SORBS2: variants seen among roughly 807,000 people sequenced by gnomAD.
The protein encoded by SORBS2 is sorbin and SH3 domain containing 2, also known as sorbin and SH3 domain-containing protein 2.
Under a neutral mutation model 97.7 loss-of-function variants are expected in SORBS2, and 46 were observed. The observed-to-expected ratio is 0.47, with a 90% confidence interval of 0.37 to 0.60. SORBS2 has a LOEUF of 0.60. Among genes scored for constraint, SORBS2 ranks in the 20% least tolerant of loss-of-function variants. The pLI is 0.00. For synonymous variants in SORBS2, 476 were observed against 473.4 expected, an observed-to-expected ratio of 1.01 and a Z score of -0.07; for missense variants, 1,316 against 1,282.3, an observed-to-expected ratio of 1.03 and a Z score of -0.40.
chr4:185,745,746 AT>A (rs1315762921), intron 2 of SORBS2, among the ~76,000 whole-genome samples: 28 of 152,272 alleles, frequency 1.8e-4, no homozygotes, highest in Admixed American at 1.1e-3. Context: ...GATATATTTC[AT>A]TTTTAAGCCT....
At chr4:185,789,905 C>G (rs555933517) in intron 1 of SORBS2, among the ~76,000 whole-genome samples, 5 of 152,162 alleles carry the variant, frequency 3.3e-5, no homozygotes, top group Non-Finnish European at 7.4e-5. Flanking sequence ...TAAGTTTCTT[C>G]CTACCTATAT....
intron 12 of SORBS2, among the ~76,000 whole-genome samples, chr4:185,601,728 T>TG (rs1378626433): frequency 2.0e-5 from 3 of 152,182 alleles, no homozygotes; most frequent in Non-Finnish European, 4.4e-5. Context: ...TAGAATGATG[T>TG]GGATCATAAC....
chr4:185,684,777 C>T lies in SORBS2; in HGVS notation c.-197-5955G>A, dbSNP rs1371874163. ...ACCTGCAGCCAATAGGTTTGGAGAA[C>T]TTTGCACTCTCTTCACAGATGTTAG... On this transcript the variant is annotated intron_variant, in intron 2 of 20. Coordinates refer to the SORBS2 transcript ENST00000284776. The surrounding 1 kb of genome is among the most constrained non-coding windows in gnomAD (Gnocchi z 4.2). The T allele has an allele frequency of 6.4e-7, 1 of 1,551,854 alleles. No individual in the cohort carries two copies. The highest frequency in any genetic ancestry group is 2.4e-5 in the East Asian group (1 of 40,926).
chr4:185,769,910 A>C (rs572760795), intron 2 of SORBS2, among the ~76,000 whole-genome samples: 1 of 152,348 alleles, frequency 6.6e-6, no homozygotes, highest in South Asian at 2.1e-4. Context: ...GTTAGACAAC[A>C]GCAGCAACAA....
At chr4:185,714,282 GTGTCT>G (rs1325977770) in intron 2 of SORBS2, among the ~76,000 whole-genome samples, 1 of 152,198 alleles carries the variant, frequency 6.6e-6, no homozygotes, top group Non-Finnish European at 1.5e-5. Context: ...TTTTGCAGCA[GTGTCT>G]TGCTTTCAGC....
chr4:185,823,474 G>A lies in SORBS2; in HGVS notation c.-337-48108C>T, dbSNP rs2099197995. On this transcript the variant is annotated intron_variant, in intron 1 of 20. Transcript: ENST00000284776. ...TAACAATGTTTAATAACGAGGGATT[G>A]AGTTATGTATAAATTTTCTTTTGTT... Among the ~76,000 whole-genome samples, 3 of 150,068 alleles carry A rather than the reference G, an allele frequency of 2.0e-5. No homozygotes were observed. In the Admixed American group the frequency reaches 2.0e-4, roughly 10 times the overall value.
intron 1 of SORBS2, among the ~76,000 whole-genome samples, chr4:185,950,255 A>AT (rs1200754537): frequency 6.7e-6 from 1 of 149,360 alleles, no homozygotes; most frequent in African/African-American, 2.6e-5. Flanking sequence ...TCTCAAAAAA[A>AT]AAAAAAGAAT....
intron 2 of SORBS2, among the ~76,000 whole-genome samples, chr4:185,687,083 C>T (rs988351232): frequency 6.6e-6 from 1 of 152,136 alleles, no homozygotes; most frequent in Admixed American, 6.5e-5. Flanking sequence ...TGCTCTGTTG[C>T]CCAGGCTGGA....
chr4:185,770,495 G>C (rs2098963967), intron 2 of SORBS2, among the ~76,000 whole-genome samples: 1 of 152,186 alleles, frequency 6.6e-6, no homozygotes, highest in Non-Finnish European at 1.5e-5. Context: ...GAGTAGAGAT[G>C]CTCAGGCTCT....
chr4:185,646,672 C>T (rs757200260), exon 4 of SORBS2: 2 of 1,603,532 alleles, frequency 1.2e-6, no homozygotes, highest in Non-Finnish European at 1.7e-6. Context: ...GCTTACTGGT[C>T]TTTCATGCTG....
rs537793459 is a variant in SORBS2, at chr4:185,672,247, A to G, written c.-46+6176T>C. Among the ~76,000 whole-genome samples, 36 of 152,322 alleles carry G rather than the reference A, an allele frequency of 2.4e-4. 1 individual carries two copies. Among genetic ancestry groups the G allele is most frequent in the African/African-American group, 8.7e-4 (36 of 41,574 alleles). ...GAAATGAGTTTCCTCTCCCTTCTAC[A>G]TGACAGTCGGGCAAGTTCCCCTGTG... On this transcript the variant is annotated intron_variant, in intron 4 of 20. Coordinates refer to the SORBS2 transcript ENST00000284776.
chr4:185,844,453 A>G (rs1393350001), intron 1 of SORBS2, among the ~76,000 whole-genome samples: 1 of 152,200 alleles, frequency 6.6e-6, no homozygotes, highest in Non-Finnish European at 1.5e-5. Flanking sequence ...ACAACAGCAA[A>G]ACCAGAAAAT....
rs543887157 is a variant in SORBS2, at chr4:185,663,693, T to C, written c.-45-1451A>G. ...ATCATTGTAATACTATTATAACATG[T>C]TATAATTAATGTTAAAAGCTGAAGA... On this transcript the variant is annotated intron_variant, in intron 4 of 20. Coordinates refer to the SORBS2 transcript ENST00000284776. 1.9e-4 allele frequency among the ~76,000 whole-genome samples: 29 copies of C among 152,256 alleles called. No homozygotes were observed. In the East Asian group the frequency reaches 5.4e-3, roughly 28 times the overall value.
Position 185,679,058 on chromosome 4 carries a change from T to C in SORBS2, c.-197-236A>G, listed in dbSNP as rs1308543185. ...TATCTATATAGTAAACACTCATTTTTCCCCTCAATAATGTTGCAACATGCA... is the reference window on the plus strand; with the variant it reads ...TATCTATATAGTAAACACTCATTTTCCCCCTCAATAATGTTGCAACATGCA... On this transcript the variant is annotated intron_variant, in intron 2 of 20. Coordinates refer to the SORBS2 transcript ENST00000284776. Among the ~76,000 whole-genome samples, 3 of 152,098 alleles carry C rather than the reference T, an allele frequency of 2.0e-5. 1 individual carries two copies. The highest frequency in any genetic ancestry group is 6.3e-3 in the Middle Eastern group (2 of 316).
intron 8 of SORBS2, among the ~76,000 whole-genome samples, chr4:185,619,432 C>T (rs545496394): frequency 3.3e-5 from 5 of 152,134 alleles, no homozygotes; most frequent in Non-Finnish European, 5.9e-5. Context: ...CTACATCAGA[C>T]GCCTATAAGA....
At chr4:185,796,055 A>G (rs2099103160) in intron 1 of SORBS2, among the ~76,000 whole-genome samples, 2 of 152,126 alleles carry the variant, frequency 1.3e-5, no homozygotes, top group Non-Finnish European at 2.9e-5. Context: ...GTCCTCCTAC[A>G]GGAAATTCCC....
rs1000198123 is a variant in SORBS2 at position 185,683,779 on chromosome 4, AT to A, written c.-197-4958del. ...AGTGGGATTCTGCATATGGAAGTTC[AT>A]TTTTTTTTCTCAAGAAAAACTCAGT... is the stretch of plus-strand genomic sequence containing the variant. On this transcript the variant is annotated intron_variant, in intron 2 of 20. Transcript: ENST00000284776. Among the ~76,000 whole-genome samples the A allele has an allele frequency of 1.4e-3, 219 of 151,434 alleles. 1 individual carries two copies. The highest frequency in any genetic ancestry group is 4.9e-3 in the African/African-American group (204 of 41,262).
intron 2 of SORBS2, among the ~76,000 whole-genome samples, chr4:185,714,714 T>C (rs10015763): frequency 0.78 from 118,141 of 152,014 alleles, 47,242 homozygotes; most frequent in Non-Finnish European, 0.89. Flanking sequence ...CAAGAGAGCA[T>C]GTGCAGGGGA....
chr4:185,638,771 T>C, intron 4 of SORBS2, 106 bp downstream of exon 14: 1 of 1,095,242 alleles, frequency 9.1e-7, no homozygotes, highest in Non-Finnish European at 1.2e-6. Context: ...CCTGGATGGG[T>C]GCGAGCGGGA....
Sources: gnomAD v4.1 joint callset for allele counts (sites outside exome capture counted in the v4.1 genomes callset) on GRCh38, gnomAD v4.1.1 for gene constraint, Gnocchi (gnomAD v3.1) non-coding constraint, MANE v1.5 for transcripts, NCBI Gene and HGNC (gene_info 2026-07-23, HGNC 2026-07-21) for gene names.